ZFAND3: variants seen among roughly 807,000 people sequenced by gnomAD.
The protein encoded by ZFAND3 is zinc finger AN1-type containing 3, also known as AN1-type zinc finger protein 3.
In ZFAND3, 10 loss-of-function variants were observed where a neutral mutation model predicts 29.6. The ratio of observed to expected loss-of-function variants is 0.34; its 90% CI spans 0.21 to 0.57. ZFAND3 has a LOEUF of 0.57. ZFAND3 is among the 20% of genes least tolerant of loss of function. The pLI, the probability that ZFAND3 is intolerant of heterozygous loss-of-function variation, is 0.86. For missense variants in ZFAND3, 230 were observed against 304.5 expected, an observed-to-expected ratio of 0.76 and a Z score of 1.82; for synonymous variants, 128 against 112.6, an observed-to-expected ratio of 1.14 and a Z score of -0.87.
chr6:37,865,427 A>G (rs547180786), intron 1 of ZFAND3, among the ~76,000 whole-genome samples: 8 of 152,332 alleles, frequency 5.3e-5, no homozygotes, highest in African/African-American at 1.9e-4. Context: ...CAGAACCCAC[A>G]TTAAACAGAG....
chr6:37,980,670 C>G (rs1762563921), intron 2 of ZFAND3, among the ~76,000 whole-genome samples: 1 of 152,172 alleles, frequency 6.6e-6, no homozygotes, highest in South Asian at 2.1e-4. Flanking sequence ...AACAGCTTTT[C>G]AGATATGCCC....
At chr6:37,976,950 T>C (rs1156754663) in intron 2 of ZFAND3, among the ~76,000 whole-genome samples, 1 of 152,166 alleles carries the variant, frequency 6.6e-6, no homozygotes, top group Non-Finnish European at 1.5e-5. Context: ...CAGACAATCA[T>C]GATGTTTGTG....
At chr6:37,829,719 C>T (rs1763825127) in intron 1 of ZFAND3, among the ~76,000 whole-genome samples, 1 of 152,254 alleles carries the variant, frequency 6.6e-6, no homozygotes, top group Non-Finnish European at 1.5e-5. Flanking sequence ...TCACCCTGTT[C>T]CCCCAACCTC....
At chr6:38,049,961 T>TTATTTTTTA (rs1561980811) in intron 2 of ZFAND3, among the ~76,000 whole-genome samples, 481 of 25,022 alleles carry the variant, frequency 0.019, 4 homozygotes, top group African/African-American at 0.03. Context: ...TTTTTTTTTT[T>TTATTTTTTA]TTTTTTTGGG....
At chr6:37,833,837 A>AG (rs1763910779) in intron 1 of ZFAND3, among the ~76,000 whole-genome samples, 1 of 151,870 alleles carries the variant, frequency 6.6e-6, no homozygotes, top group Non-Finnish European at 1.5e-5. Flanking sequence ...AAAAAAAAAA[A>AG]AAAAAAGGAC....
At chr6:37,824,307 T>C (rs1365176002) in intron 1 of ZFAND3, among the ~76,000 whole-genome samples, 1 of 152,226 alleles carries the variant, frequency 6.6e-6, no homozygotes, top group African/African-American at 2.4e-5. Flanking sequence ...TATACAGATA[T>C]AAGTGGTATT....
intron 2 of ZFAND3, among the ~76,000 whole-genome samples, chr6:37,937,664 A>AGC (rs1267092276): frequency 6.6e-6 from 1 of 151,456 alleles, no homozygotes; most frequent in Non-Finnish European, 1.5e-5. Flanking sequence ...AAAAAAAAAA[A>AGC]AAAAAAAAAG....
chr6:38,086,437 T>C (rs73419971), intron 4 of ZFAND3, among the ~76,000 whole-genome samples: 11,190 of 152,258 alleles, frequency 0.073, 491 homozygotes, highest in Non-Finnish European at 0.096. Flanking sequence ...AGGTTGCTTT[T>C]GGTTAGAATG....
chr6:38,069,962 A>G (rs1301599848), intron 3 of ZFAND3, among the ~76,000 whole-genome samples: 2 of 152,200 alleles, frequency 1.3e-5, no homozygotes, highest in Non-Finnish European at 2.9e-5. Context: ...CTACATTCTC[A>G]ATTTTTGAAT....
intron 4 of ZFAND3, among the ~76,000 whole-genome samples, chr6:38,109,809 G>A (rs1765279811): frequency 6.6e-6 from 1 of 152,058 alleles, no homozygotes; most frequent in Non-Finnish European, 1.5e-5. Context: ...AGTCAAAAAT[G>A]TCTCCGCAGA....
intron 2 of ZFAND3, among the ~76,000 whole-genome samples, chr6:37,944,455 T>A (rs1191725466): frequency 6.6e-6 from 1 of 152,158 alleles, no homozygotes; most frequent in Non-Finnish European, 1.5e-5. Flanking sequence ...AGAGACAAAA[T>A]TCTTTTCTCA....
chr6:38,067,891 G>T (rs1764377353), intron 3 of ZFAND3, among the ~76,000 whole-genome samples: 1 of 152,060 alleles, frequency 6.6e-6, no homozygotes, highest in African/African-American at 2.4e-5. Flanking sequence ...CTGAGTTTTT[G>T]GATTTTTCTT....
intron 2 of ZFAND3, among the ~76,000 whole-genome samples, chr6:37,949,852 G>A (rs1489797634): frequency 6.6e-6 from 1 of 152,126 alleles, no homozygotes; most frequent in African/African-American, 2.4e-5. Flanking sequence ...CCCTATACAT[G>A]TTCAGCTATC....
At chr6:38,013,993 A>G (rs1292539688) in intron 2 of ZFAND3, among the ~76,000 whole-genome samples, 1 of 152,238 alleles carries the variant, frequency 6.6e-6, no homozygotes, top group Non-Finnish European at 1.5e-5. Context: ...CATAAGACCT[A>G]CAGATAACTA....
intron 1 of ZFAND3, among the ~76,000 whole-genome samples, chr6:37,871,913 A>G (rs1234252873): frequency 1.3e-5 from 2 of 152,194 alleles, no homozygotes; most frequent in Non-Finnish European, 2.9e-5. Flanking sequence ...CATCTTTCCC[A>G]CCACCATCAG....
chr6:37,844,448 A>C (rs1400290211), intron 1 of ZFAND3, among the ~76,000 whole-genome samples: 1 of 151,084 alleles, frequency 6.6e-6, no homozygotes, highest in Non-Finnish European at 1.5e-5. Context: ...CACCCGGCTA[A>C]TTTTTTGTAT....
At chr6:37,843,448 C>T (rs374867960) in intron 1 of ZFAND3, among the ~76,000 whole-genome samples, 6 of 151,460 alleles carry the variant, frequency 4.0e-5, no homozygotes, top group African/African-American at 1.5e-4. Flanking sequence ...GATCGTGCCA[C>T]TGCACTCCAG....
Position 38,059,194 on chromosome 6 carries a change from T to C in ZFAND3, c.113-2399T>C, listed in dbSNP as rs746321793. ...AAGATAGAAGACCCGTTTTTCTCCT[T>C]ATCCCTTGGCCTCAAAGAGATAATC... On this transcript the variant is annotated intron_variant, in intron 2 of 5. Coordinates refer to ENST00000287218, the MANE Select transcript of ZFAND3 (RefSeq NM_021943.3). Among the ~76,000 whole-genome samples the C allele has an allele frequency of 1.2e-4, 19 of 152,342 alleles. No individual in the cohort carries two copies. The South Asian group carries it at 3.3e-3, about 27-fold the overall frequency.
intron 2 of ZFAND3, among the ~76,000 whole-genome samples, chr6:38,047,563 G>A (rs1763929175): frequency 6.6e-6 from 1 of 152,100 alleles, no homozygotes; most frequent in African/African-American, 2.4e-5. Context: ...CACATATTTG[G>A]TGCCCCTCCC....
Sources: gnomAD v4.1 joint callset for allele counts (sites outside exome capture counted in the v4.1 genomes callset) on GRCh38, gnomAD v4.1.1 for gene constraint, MANE v1.5 for transcripts, NCBI Gene and HGNC (gene_info 2026-07-23, HGNC 2026-07-21) for gene names.